The following NUP210L variants were observed in gnomAD, a reference collection of about 807,000 sequenced individuals.
The protein encoded by NUP210L is nuclear pore membrane glycoprotein 210-like.
Under a neutral mutation model 208.5 loss-of-function variants are expected in NUP210L, and 74 were observed. The ratio of observed to expected loss-of-function variants is 0.35; its 90% CI spans 0.29 to 0.43. The LOEUF is 0.43. NUP210L is among the 20% of genes least tolerant of loss of function. The probability of loss-of-function intolerance (pLI) is 1.00; values close to 1 mark genes in which losing one functional copy is unlikely to be tolerated. For synonymous variants in NUP210L, 780 were observed against 816.9 expected, an observed-to-expected ratio of 0.95 and a Z score of 0.77; for missense variants, 1,843 against 2,289.4, an observed-to-expected ratio of 0.81 and a Z score of 3.98.
At chr1:154,113,324 G>GCA (rs562189274) in intron 12 of NUP210L, among the ~76,000 whole-genome samples, 1 of 148,986 alleles carries the variant, frequency 6.7e-6, no homozygotes, top group African/African-American at 2.5e-5. Context: ...TTTTATATAC[G>GCA]CACACACACA....
At chr1:154,006,966 A>ATATATTTT (rs1211789619) in intron 35 of NUP210L, among the ~76,000 whole-genome samples, 3 of 115,784 alleles carry the variant, frequency 2.6e-5, no homozygotes, top group African/African-American at 9.9e-5. Context: ...ATATATATAT[A>ATATATTTT]TTTTTTTTTT....
chr1:154,111,847 A>G lies in NUP210L; in HGVS notation c.1620+5878T>C, dbSNP rs899354588. Among the ~76,000 whole-genome samples the G allele has an allele frequency of 8.6e-5, 13 of 151,798 alleles. 1 individual carries two copies. The highest frequency in any genetic ancestry group is 3.2e-4 in the African/African-American group (13 of 41,048). On this transcript the variant is annotated intron_variant, in intron 12 of 39. Coordinates refer to ENST00000368559, the Ensembl canonical transcript of NUP210L. ...CTTATTAAAAACAAAACAAAACACTACAGGCCAATATCCCTGATGAACATG... is the reference window on the plus strand; with the variant it reads ...CTTATTAAAAACAAAACAAAACACTGCAGGCCAATATCCCTGATGAACATG...
At chr1:154,089,589 G>A (rs1164461335) in exon 16 of NUP210L, 1 of 1,613,806 alleles carries the variant, frequency 6.2e-7, no homozygotes, top group Non-Finnish European at 8.5e-7. Flanking sequence ...TTCGGAATGT[G>A]AGAACCTTTA....
chr1:153,993,569 A>C (rs77142628), intron 38 of NUP210L, among the ~76,000 whole-genome samples: 6 of 140,860 alleles, frequency 4.3e-5, no homozygotes, highest in African/African-American at 1.8e-4. Context: ...CTGTCTCAGA[A>C]AAAAAAAAAA....
chr1:154,104,590 C>G (rs1656651684), intron 12 of NUP210L: 1 of 162,048 alleles, frequency 6.2e-6, no homozygotes. Flanking sequence ...CCCAGGTGCA[C>G]AGATTTGGAG....
intron 27 of NUP210L, among the ~76,000 whole-genome samples, chr1:154,034,585 T>C (rs1407229956): frequency 6.6e-6 from 1 of 152,148 alleles, no homozygotes; most frequent in Non-Finnish European, 1.5e-5. Flanking sequence ...TGCCTTGGCC[T>C]CCCAAAGTGC....
intron 37 of NUP210L, among the ~76,000 whole-genome samples, chr1:153,997,087 C>T (rs1170726049): frequency 6.6e-6 from 1 of 151,954 alleles, no homozygotes; most frequent in African/African-American, 2.4e-5. Flanking sequence ...CCTCAGCATC[C>T]TGCGTAACTG....
At chr1:154,055,118 C>CT (rs1653747267) in intron 23 of NUP210L, among the ~76,000 whole-genome samples, 1 of 134,364 alleles carries the variant, frequency 7.4e-6, no homozygotes, top group South Asian at 2.5e-4. Context: ...CTTTCTCTTT[C>CT]TTTCTTTTCT....
chr1:154,103,225 A>G (rs1656562070), intron 13 of NUP210L, among the ~76,000 whole-genome samples: 1 of 146,990 alleles, frequency 6.8e-6, no homozygotes. Context: ...AAAACCCCAT[A>G]TTTACTAAAA....
Position 154,009,975 on chromosome 1 carries a change from TC to T in NUP210L, c.4926del (p.Val1645PhefsTer5), listed in dbSNP as rs1187151513. The T allele has an allele frequency of 6.2e-7, 1 of 1,608,194 alleles. No homozygotes were observed. Among genetic ancestry groups the T allele is most frequent in the East Asian group, 2.2e-5 (1 of 44,818 alleles). The stretch of plus-strand genomic sequence containing the variant: ...AGATTCAACTGGTGTAACTTACCTT[TC>T]TCCATACTGAAATCTGAATGGACCT... On this transcript the variant is annotated frameshift_variant, in exon 35 of 40. Coordinates refer to ENST00000368559, the Ensembl canonical transcript of NUP210L. LOFTEE classifies it high-confidence loss of function.
chr1:154,037,284 T>C (rs970201793), intron 27 of NUP210L, among the ~76,000 whole-genome samples: 2 of 152,190 alleles, frequency 1.3e-5, no homozygotes, highest in South Asian at 2.1e-4. Flanking sequence ...AAGTGGGTTA[T>C]TGAAGTCTCC....
chr1:154,139,692 A>C (rs75278860), intron 5 of NUP210L, 110 bp downstream of exon 5: 20,121 of 533,626 alleles, frequency 0.038, 6 homozygotes, highest in South Asian at 0.056. Context: ...ACAAACAAAA[A>C]AAAAAAAAAA....
intron 38 of NUP210L, among the ~76,000 whole-genome samples, chr1:153,994,552 C>A (rs1424710939): frequency 6.6e-6 from 1 of 151,098 alleles, no homozygotes. Context: ...ACTTAGGTGA[C>A]CCACCCGCCT....
intron 14 of NUP210L, among the ~76,000 whole-genome samples, chr1:154,097,221 GATAAT>G (rs1191020941): frequency 1.3e-5 from 2 of 152,114 alleles, no homozygotes; most frequent in Non-Finnish European, 2.9e-5. Flanking sequence ...GAATTGAGCT[GATAAT>G]ATAAAAGGAC....
Position 154,022,867 on chromosome 1 carries a change from G to C in NUP210L, c.4298+255C>G, listed in dbSNP as rs544156533. On this transcript the variant is annotated intron_variant, in intron 31 of 39. Transcript: ENST00000368559. Reference sequence around the variant, plus strand: ...TAATTTTTGTATTTTTGTAGAGATGGGGTTTCACCATGTTGTCCAGGCTGG... The same window carrying C: ...TAATTTTTGTATTTTTGTAGAGATGCGGTTTCACCATGTTGTCCAGGCTGG... Among the ~76,000 whole-genome samples, 252 of 151,210 alleles carry C rather than the reference G, an allele frequency of 1.7e-3. 2 individuals carry two copies. The highest frequency in any genetic ancestry group is 5.9e-3 in the African/African-American group (243 of 41,164).
In NUP210L at chr1:154,037,969, T is replaced by C. The variant is rs532307419; in HGVS notation, c.3697-7915A>G. ...TTTAGTCCATTTACATGCAATGTTA[T>C]TATTGATAAATAAGAACTTTTCCTG... is the stretch of plus-strand genomic sequence containing the variant. On this transcript the variant is annotated intron_variant, in intron 27 of 39. Transcript: ENST00000368559. Among the ~76,000 whole-genome samples, 17 of 152,300 alleles carry C rather than the reference T, an allele frequency of 1.1e-4. No homozygotes were observed. The Middle Eastern group carries it at 0.01, about 91-fold the overall frequency.
At chr1:154,058,518 G>A (rs1444019979) in intron 21 of NUP210L, 47 bp downstream of exon 21, 8 of 1,592,496 alleles carry the variant, frequency 5.0e-6, no homozygotes, top group Non-Finnish European at 6.8e-6. Flanking sequence ...GCTGGGTAGT[G>A]AGAATAAGTC....
intron 12 of NUP210L, among the ~76,000 whole-genome samples, chr1:154,112,787 C>T (rs1255058765): frequency 2.0e-5 from 3 of 146,874 alleles, no homozygotes; most frequent in East Asian, 2.1e-4. Flanking sequence ...GACCAGGAGG[C>T]GGAGGTTGCA....
At chr1:154,052,615 G>A (rs200512994) in intron 25 of NUP210L, among the ~76,000 whole-genome samples, 1 of 152,088 alleles carries the variant, frequency 6.6e-6, no homozygotes, top group Non-Finnish European at 1.5e-5. Flanking sequence ...ATCAATCTTG[G>A]CTGGCAATAA....
Sources: allele counts gnomAD v4.1 joint callset (sites outside exome capture counted in the v4.1 genomes callset), GRCh38; gene constraint gnomAD v4.1.1; transcripts MANE v1.5; gene names NCBI Gene and HGNC (gene_info 2026-07-23, HGNC 2026-07-21).